Variants in MYO15B observed in about 807,000 individuals in gnomAD.
MYO15B encodes myosin XVB pseudogene.
In MYO15B, 207 loss-of-function variants were observed where a neutral mutation model predicts 119.3. The ratio of observed to expected loss-of-function variants is 1.73; its 90% CI spans 1.55 to 1.95. MYO15B has a LOEUF of 1.95. MYO15B is among the 30% of genes most tolerant of loss of function. The probability of loss-of-function intolerance (pLI) is 0.00; values close to 1 mark genes in which losing one functional copy is unlikely to be tolerated. For missense variants in MYO15B, 2,264 were observed against 1,203.1 expected (o/e 1.88, Z -13.04); for synonymous variants, 966 against 498.9 (o/e 1.94, Z -12.48).
At chr17:75,597,704 C>T (rs1180217641) in intron 14 of MYO15B, among the ~76,000 whole-genome samples, 1 of 152,132 alleles carries the variant, frequency 6.6e-6, no homozygotes, top group Non-Finnish European at 1.5e-5. Context: ...GTGGGTGGAT[C>T]CCTTGAGCCC....
In MYO15B at chr17:75,625,977, G is replaced by C. The variant is rs1334843694; in HGVS notation, c.9072G>C (p.Gln3024His). Residue 3024 changes from glutamine to histidine, a missense_variant and splice_region_variant, in exon 62 of 64, where the codon CAG becomes CAC. Coordinates refer to ENST00000645453, the Ensembl canonical transcript of MYO15B. ...TCATCCTCATGGACCCCAGCTCCCA[G>C]GTGGGCACAGCTCTTGCCTCAGCAC... is the stretch of plus-strand genomic sequence containing the variant. 10 of 701,724 alleles carry C rather than the reference G, an allele frequency of 1.4e-5. No homozygotes were observed. In the Admixed American group the frequency reaches 2.0e-4, roughly 14 times the overall value. The allele number at this position is 701,724 out of a possible 1,614,324, so 43.5% of individuals were successfully genotyped here.
chr17:75,623,940 G>A lies in MYO15B; in HGVS notation c.8157-9G>A. The A allele has an allele frequency of 1.4e-6, 1 of 702,988 alleles. No individual in the cohort carries two copies. The highest frequency in any genetic ancestry group is 2.6e-6 in the Non-Finnish European group (1 of 384,988). 43.5% of individuals were successfully genotyped at this position (702,988 alleles called of 1,614,324 possible). A position where few individuals can be genotyped will look rare whatever the true frequency, so the allele number is the denominator to read the frequency against. ...GGCCAGCCTGAAGCCCGAGCGCTCTGCCCTGCAGGGAACACTGCACTCGAG... is the reference window on the plus strand; with the variant it reads ...GGCCAGCCTGAAGCCCGAGCGCTCTACCCTGCAGGGAACACTGCACTCGAG... On this transcript the variant is annotated splice_polypyrimidine_tract_variant and intron_variant, in intron 54 of 63. Transcript: ENST00000645453.
chr17:75,613,647 C>T lies in MYO15B; in HGVS notation c.5147-58C>T, dbSNP rs1407527660. 5 of 690,992 alleles carry T rather than the reference C, an allele frequency of 7.2e-6. No homozygotes were observed. In the East Asian group the frequency reaches 1.3e-4, roughly 19 times the overall value. 42.8% of individuals were successfully genotyped at this position (690,992 alleles called of 1,614,324 possible). Reference sequence around the variant, plus strand: ...CTCTCATGGGGACAGCAGCCCCTTCCTGTCAGGGTGGACTCTGCTGTCCCT... The same window carrying T: ...CTCTCATGGGGACAGCAGCCCCTTCTTGTCAGGGTGGACTCTGCTGTCCCT... On this transcript the variant is annotated intron_variant, in intron 28 of 63. Transcript: ENST00000645453.
In MYO15B at chr17:75,592,664, T is replaced by C. The variant is rs1416751026; in HGVS notation, c.2830-15T>C. On this transcript the variant is annotated splice_polypyrimidine_tract_variant and intron_variant, in intron 8 of 63. Transcript: ENST00000645453. ...GTGGCAGGCCCCGCTCCCTCACCCC[T>C]GCTGTGCTCTGCAGGGCCAGGCCTG... 1.4e-6 allele frequency: 1 copy of C among 697,050 alleles called. No homozygotes were observed. The highest frequency in any genetic ancestry group is 2.0e-5 in the Admixed American group (1 of 49,676). 43.2% of individuals were successfully genotyped at this position (697,050 alleles called of 1,614,324 possible).
Position 75,605,389 on chromosome 17 carries a change from A to G in MYO15B, c.4017-115A>G, listed in dbSNP as rs187971194. The G allele has an allele frequency of 1.3e-3, 808 of 610,436 alleles. 4 individuals are homozygous for G. The highest frequency in any genetic ancestry group is 3.9e-4 in the Non-Finnish European group (133 of 342,380). 37.8% of individuals were successfully genotyped at this position (610,436 alleles called of 1,614,324 possible). The stretch of plus-strand genomic sequence containing the variant: ...GAGGCGGAGCTTGCAGTGAGCCGAG[A>G]TCGCGCCACTGTACTCCCGCCTGGG... On this transcript the variant is annotated intron_variant, in intron 19 of 63. Transcript: ENST00000645453.
exon 30 of MYO15B, chr17:75,614,203 C>G (rs754940387): frequency 4.8e-5 from 34 of 702,384 alleles, no homozygotes; most frequent in Non-Finnish European, 8.6e-5. Flanking sequence ...ACCCAGAGGC[C>G]TGGAGGCGCC....
chr17:75,587,987 C>A (rs896189266), exon 1 of MYO15B: 3 of 397,726 alleles, frequency 7.5e-6, no homozygotes, highest in Non-Finnish European at 1.3e-5. Context: ...AGAAGGTCAC[C>A]GCGGGAGGCC....
At chr17:75,610,801 C>T in intron 22 of MYO15B, 99 bp from the exon 23 acceptor site, 2 of 696,040 alleles carry the variant, frequency 2.9e-6, no homozygotes, top group Non-Finnish European at 5.2e-6. Context: ...CTGAGAACCT[C>T]CCAGGGGCAG....
chr17:75,600,008 ATTTCTTTTTTTTTCTTT>A (rs904867412), intron 14 of MYO15B, among the ~76,000 whole-genome samples: 9 of 147,182 alleles, frequency 6.1e-5, no homozygotes, highest in Admixed American at 2.1e-4. Flanking sequence ...CCTCATCTCT[ATTTCTTTTTTTTTCTTT>A]TTTCTTTTTT....
intron 29 of MYO15B, 162 bp from the exon 30 acceptor site, chr17:75,614,037 A>G: frequency 1.7e-6 from 1 of 605,478 alleles, no homozygotes; most frequent in Non-Finnish European, 3.0e-6. Context: ...CCGTGAGGTG[A>G]GGAGGGGAGC....
chr17:75,620,507 T>G (rs1166023182), exon 49 of MYO15B: 1 of 702,770 alleles, frequency 1.4e-6, no homozygotes, highest in Non-Finnish European at 2.6e-6. Context: ...CCGGACTCTT[T>G]CCTGCCGACA....
rs985774238 is a variant in MYO15B, at chr17:75,619,483, G to A, written c.7182+7G>A. 1 of 701,780 alleles carries A rather than the reference G, an allele frequency of 1.4e-6. No individual in the cohort carries two copies. The highest frequency in any genetic ancestry group is 2.6e-6 in the Non-Finnish European group (1 of 384,620). The allele number at this position is 701,780 out of a possible 1,614,324, so 43.5% of individuals were successfully genotyped here. On this transcript the variant is annotated splice_region_variant and intron_variant, in intron 45 of 63. Coordinates refer to ENST00000645453, the Ensembl canonical transcript of MYO15B. ...CCGCTTCTTTCCTGTCTCGGTCAGT[G>A]GCGCTGGGGTAGGGAGTAGGGATGC...
At chr17:75,591,813 C>T in intron 5 of MYO15B, 101 bp downstream of exon 5, 1 of 686,776 alleles carries the variant, frequency 1.5e-6, no homozygotes, top group South Asian at 1.5e-5. Context: ...CTCCTTTCAG[C>T]CAGGAGAGGG....
rs1279248272 is a variant in MYO15B, at chr17:75,614,866, C to T, written c.5559+17C>T. 1.4e-6 allele frequency: 1 copy of T among 702,870 alleles called. No homozygotes were observed. The highest frequency in any genetic ancestry group is 2.0e-5 in the Admixed American group (1 of 50,028). The allele number at this position is 702,870 out of a possible 1,614,324, so 43.5% of individuals were successfully genotyped here. A position where few individuals can be genotyped will look rare whatever the true frequency, so the allele number is the denominator to read the frequency against. ...GGCCTCAGCGTGAGTCGGGCACAGC[C>T]CCCAAATGCCCCTGCCCCAACCCCC... On this transcript the variant is annotated intron_variant, in intron 32 of 63. Coordinates refer to ENST00000645453, the Ensembl canonical transcript of MYO15B.
chr17:75,618,061 G>T (rs2058486002), intron 42 of MYO15B, 65 bp from the exon 43 acceptor site: 1 of 698,220 alleles, frequency 1.4e-6, no homozygotes, highest in African/African-American at 1.7e-5. Flanking sequence ...GGCCTGGGAG[G>T]GCAGAGGCTT....
intron 16 of MYO15B, 82 bp from the exon 17 acceptor site, chr17:75,602,748 C>G: frequency 1.7e-6 from 1 of 604,412 alleles, no homozygotes; most frequent in Non-Finnish European, 2.9e-6. Flanking sequence ...ATGCCGAGGG[C>G]TGGTCCATTC....
exon 57 of MYO15B, chr17:75,624,409 G>C (rs1250524724): frequency 5.7e-6 from 4 of 702,422 alleles, no homozygotes; most frequent in Non-Finnish European, 1.0e-5. Context: ...TCACCTGCCG[G>C]GGGGTGTGGA....
chr17:75,622,802 G>C (rs1315995248), intron 53 of MYO15B, among the ~76,000 whole-genome samples: 1 of 152,164 alleles, frequency 6.6e-6, no homozygotes, highest in African/African-American at 2.4e-5. Flanking sequence ...TGTCTTCAAG[G>C]AGCAGGTCTT....
chr17:75,623,950 G>C lies in MYO15B; in HGVS notation c.8158G>C (p.Glu2720Gln), dbSNP rs564513969. The change falls in exon 55 of 64, where the codon GAA (glutamate) becomes CAA (glutamine). Residue 2720 changes from glutamate to glutamine, a missense_variant and splice_region_variant. Transcript: ENST00000645453. ...AAGCCCGAGCGCTCTGCCCTGCAGG[G>C]AACACTGCACTCGAGGCTGGAGCTT... The C allele has an allele frequency of 1.3e-3, 923 of 703,012 alleles. 2 individuals carry two copies. Among genetic ancestry groups the C allele is most frequent in the Admixed American group, 1.7e-3 (85 of 50,012 alleles). The allele number at this position is 703,012 out of a possible 1,614,324, so 43.5% of individuals were successfully genotyped here.
Sources: allele counts gnomAD v4.1 joint callset (sites outside exome capture counted in the v4.1 genomes callset), GRCh38; gene constraint gnomAD v4.1.1; transcripts MANE v1.5; gene names NCBI Gene and HGNC (gene_info 2026-07-23, HGNC 2026-07-21).